EPHB2: variants seen among roughly 807,000 people sequenced by gnomAD.
EPHB2 encodes EPH receptor B2.
A neutral mutation model predicts 96.4 loss-of-function variants in EPHB2; 18 were observed. The observed-to-expected ratio is 0.19, with a 90% CI of 0.13 to 0.28. The LOEUF is 0.28. Among genes scored for constraint, EPHB2 ranks in the 10% least tolerant of loss-of-function variants. EPHB2 has a pLI of 1.00. For synonymous variants in EPHB2, 506 were observed against 534.1 expected, an observed-to-expected ratio of 0.95 and a Z score of 0.72; for missense variants, 989 against 1,355.4, an observed-to-expected ratio of 0.73 and a Z score of 4.25.
intron 3 of EPHB2, among the ~76,000 whole-genome samples, chr1:22,848,531 G>A (rs1433705653): frequency 6.6e-6 from 1 of 152,202 alleles, no homozygotes; most frequent in Admixed American, 6.5e-5. Flanking sequence ...TTGGCTTGTG[G>A]TCAACTCAAA....
At chr1:22,852,156 A>G (rs1645633475) in intron 3 of EPHB2, among the ~76,000 whole-genome samples, 1 of 152,240 alleles carries the variant, frequency 6.6e-6, no homozygotes, top group East Asian at 1.9e-4. Flanking sequence ...AGTGCCTAGC[A>G]CGTGGTAGCC....
At chr1:22,892,699 TG>T in intron 6 of EPHB2, 184 bp from the exon 7 acceptor site, 1 of 799,386 alleles carries the variant, frequency 1.3e-6, no homozygotes, top group Non-Finnish European at 2.2e-6. Flanking sequence ...CCTACCTTTG[TG>T]GGCAGTGTTG....
intron 6 of EPHB2, among the ~76,000 whole-genome samples, chr1:22,887,382 C>A (rs1452344392): frequency 6.6e-6 from 1 of 152,188 alleles, no homozygotes; most frequent in Admixed American, 6.5e-5. Context: ...TAGATTCTTT[C>A]CTGAATGCTC....
At chr1:22,793,621 T>A (rs2582018) in intron 3 of EPHB2, among the ~76,000 whole-genome samples, 2 of 152,106 alleles carry the variant, frequency 1.3e-5, no homozygotes, top group African/African-American at 4.8e-5. Flanking sequence ...ATGGTGGAAG[T>A]GCTGCCAGGG....
intron 1 of EPHB2, among the ~76,000 whole-genome samples, chr1:22,781,092 G>A (rs917935880): frequency 3.9e-5 from 6 of 152,120 alleles, no homozygotes; most frequent in African/African-American, 1.2e-4. Flanking sequence ...AGGGCGAGGC[G>A]GGCGGATCAC....
intron 3 of EPHB2, among the ~76,000 whole-genome samples, chr1:22,797,323 G>T (rs1041656607): frequency 6.6e-6 from 1 of 152,192 alleles, no homozygotes; most frequent in Non-Finnish European, 1.5e-5. Context: ...AGACATGGAC[G>T]TAATGTCCCA....
chr1:22,874,788 AAATAAT>A (rs894777993), intron 5 of EPHB2, among the ~76,000 whole-genome samples: 2 of 152,184 alleles, frequency 1.3e-5, no homozygotes, highest in African/African-American at 4.8e-5. Context: ...TTCAAGGAAA[AAATAAT>A]AATAATGTCT....
intron 3 of EPHB2, among the ~76,000 whole-genome samples, chr1:22,824,224 AGATG>A (rs1252315532): frequency 6.7e-6 from 1 of 150,308 alleles, no homozygotes; most frequent in East Asian, 2.0e-4. Flanking sequence ...ATGATTGGAT[AGATG>A]GATGGAAGGA....
intron 3 of EPHB2, among the ~76,000 whole-genome samples, chr1:22,802,576 C>T (rs1057147900): frequency 1.3e-5 from 2 of 152,040 alleles, no homozygotes; most frequent in African/African-American, 4.8e-5. Flanking sequence ...AACTGAGGCT[C>T]CGAGAGGAGA....
At chr1:22,824,316 G>T in intron 3 of EPHB2, among the ~76,000 whole-genome samples, 1 of 151,794 alleles carries the variant, frequency 6.6e-6, no homozygotes, top group Admixed American at 6.6e-5. Context: ...AAGAAGGAAA[G>T]AAAGAAGAAA....
At chr1:22,711,662 G>A (rs938102578) in intron 1 of EPHB2, among the ~76,000 whole-genome samples, 10 of 152,028 alleles carry the variant, frequency 6.6e-5, no homozygotes, top group South Asian at 4.1e-4. Flanking sequence ...CTGCGCGGGG[G>A]ATGGGTCTGT....
chr1:22,882,225 C>T, intron 5 of EPHB2, 134 bp from the exon 6 acceptor site: 1 of 1,493,560 alleles, frequency 6.7e-7, no homozygotes, highest in Non-Finnish European at 9.1e-7. Context: ...CCGAGACTGG[C>T]TCTGTGGCCT....
At chr1:22,792,426 G>C (rs1644707953) in intron 3 of EPHB2, among the ~76,000 whole-genome samples, 1 of 152,174 alleles carries the variant, frequency 6.6e-6, no homozygotes, top group South Asian at 2.1e-4. Context: ...GCTCAGGCCA[G>C]GGCTGAGACC....
intron 3 of EPHB2, among the ~76,000 whole-genome samples, chr1:22,817,421 C>T (rs1645090486): frequency 6.6e-6 from 1 of 152,208 alleles, no homozygotes; most frequent in Admixed American, 6.5e-5. Context: ...CCGCAGTTGC[C>T]TGGGTCAGAG....
intron 3 of EPHB2, among the ~76,000 whole-genome samples, chr1:22,798,636 C>T (rs1006215571): frequency 4.6e-5 from 7 of 152,028 alleles, no homozygotes; most frequent in Admixed American, 3.9e-4. Flanking sequence ...TGTGCAGACC[C>T]GGAATTGGAA....
chr1:22,843,034 T>C (rs1645491925), intron 3 of EPHB2, among the ~76,000 whole-genome samples: 1 of 152,194 alleles, frequency 6.6e-6, no homozygotes, highest in Non-Finnish European at 1.5e-5. Context: ...CCTAGCTGTT[T>C]TGCTTGTGGC....
chr1:22,825,243 A>G (rs2148479059), intron 3 of EPHB2, among the ~76,000 whole-genome samples: 1 of 152,232 alleles, frequency 6.6e-6, no homozygotes, highest in East Asian at 1.9e-4. Context: ...GTCAGAAGGA[A>G]GGAAGATCTA....
intron 3 of EPHB2, among the ~76,000 whole-genome samples, chr1:22,826,739 G>C (rs1239419151): frequency 6.6e-6 from 1 of 151,904 alleles, no homozygotes; most frequent in Non-Finnish European, 1.5e-5. Flanking sequence ...GACCCAGGGA[G>C]GGTTTATGAA....
At position 22,784,343 on chromosome 1, in the gene EPHB2, G is replaced by T. The variant is rs750951880; in HGVS notation, c.127-49G>T. ...GTCTTCCACCTTAGACTGAGTGTGT[G>T]CTGGGGCTGAGCCCTTACCTCCCCA... is the stretch of plus-strand genomic sequence containing the variant. On this transcript the variant is annotated intron_variant, in intron 2 of 15. Coordinates refer to ENST00000374630, the MANE Select transcript of EPHB2 (RefSeq NM_017449.5). The surrounding 1 kb of genome is among the most constrained non-coding windows in gnomAD (Gnocchi z 5.1). 39 of 1,582,190 alleles carry T rather than the reference G, an allele frequency of 2.5e-5. No homozygotes were observed. Among genetic ancestry groups the T allele is most frequent in the Non-Finnish European group, 2.9e-5 (34 of 1,152,962 alleles).
Sources: allele counts gnomAD v4.1 joint callset (sites outside exome capture counted in the v4.1 genomes callset), GRCh38; gene constraint gnomAD v4.1.1; non-coding constraint Gnocchi (gnomAD v3.1); transcripts MANE v1.5; gene names NCBI Gene and HGNC (gene_info 2026-07-23, HGNC 2026-07-21).